ARFGAP2: variants seen among roughly 807,000 people sequenced by gnomAD.
ARFGAP2 encodes the protein ARF GTPase activating protein 2, also known as ADP-ribosylation factor GTPase-activating protein 2.
In ARFGAP2, 45 loss-of-function variants were observed where a neutral mutation model predicts 71.9. The observed-to-expected ratio is 0.63, with a 90% CI of 0.49 to 0.80. ARFGAP2 has a LOEUF of 0.80. ARFGAP2 is among the 30% of genes least tolerant of loss of function. ARFGAP2 has a pLI of 0.00. For missense variants in ARFGAP2, 633 were observed against 673.9 expected, an observed-to-expected ratio of 0.94 and a Z score of 0.67; for synonymous variants, 248 against 249.2, an observed-to-expected ratio of 1.00 and a Z score of 0.05.
At chr11:47,171,354 T>A (rs992884194) in intron 10 of ARFGAP2, 72 bp downstream of exon 10, 27 of 1,588,990 alleles carry the variant, frequency 1.7e-5, no homozygotes, top group Middle Eastern at 1.7e-4. Flanking sequence ...CATCCCAAAC[T>A]GCTAGGAAGG....
At chr11:47,169,110 G>A (rs1037406429) in intron 10 of ARFGAP2, among the ~76,000 whole-genome samples, 29 of 151,142 alleles carry the variant, frequency 1.9e-4, no homozygotes, top group African/African-American at 6.8e-4. Context: ...TCAGGAGATC[G>A]AGACCATCCT....
intron 3 of ARFGAP2, 108 bp from the exon 4 acceptor site, chr11:47,175,421 G>A (rs1952767015): frequency 6.6e-7 from 1 of 1,520,382 alleles, no homozygotes; most frequent in Non-Finnish European, 9.1e-7. Context: ...TATCTATACA[G>A]GATGATACAC....
chr11:47,175,539 C>A, intron 3 of ARFGAP2: 1 of 685,300 alleles, frequency 1.5e-6, no homozygotes, highest in Non-Finnish European at 2.5e-6. Flanking sequence ...CCACTGAACG[C>A]TGCCTGAGCA....
Position 47,164,520 on chromosome 11 carries a change from C to T in ARFGAP2, c.*962G>A. On this transcript the variant is annotated 3_prime_UTR_variant, in exon 16 of 16. Transcript: ENST00000524782. Reference sequence around the variant, plus strand: ...GAAGATGGCACCAAGAATGACAGTGCTTGGCTCAGCTGCCAGAGGGTGAGG... The same window carrying T: ...GAAGATGGCACCAAGAATGACAGTGTTTGGCTCAGCTGCCAGAGGGTGAGG... 1.1e-5 allele frequency: 3 copies of T among 276,236 alleles called. No homozygotes were observed. The highest frequency in any genetic ancestry group is 2.1e-5 in the Non-Finnish European group (3 of 143,880). The allele number at this position is 276,236 out of a possible 1,614,324, so 17.1% of individuals were successfully genotyped here.
At chr11:47,170,323 CAAAAA>C (rs34843394) in intron 10 of ARFGAP2, among the ~76,000 whole-genome samples, 2 of 73,950 alleles carry the variant, frequency 2.7e-5, no homozygotes, top group African/African-American at 5.6e-5. Flanking sequence ...GACTCCATCT[CAAAAA>C]AAAAAAAAAA....
Position 47,174,912 on chromosome 11 carries a change from C to A in ARFGAP2, c.480+103G>T, listed in dbSNP as rs981728806. 3 of 1,280,298 alleles carry A rather than the reference C, an allele frequency of 2.3e-6. No individual in the cohort carries two copies. In the African/African-American group the frequency reaches 4.4e-5, roughly 19 times the overall value. The allele number at this position is 1,280,298 out of a possible 1,614,324, so 79.3% of individuals were successfully genotyped here. ...TTCATACGTGGTGTCCAAGACATCACATCAAAGCAAATGGAATCTACAACC... is the reference window on the plus strand; with the variant it reads ...TTCATACGTGGTGTCCAAGACATCAAATCAAAGCAAATGGAATCTACAACC... On this transcript the variant is annotated intron_variant, in intron 5 of 15. Transcript: ENST00000524782.
In ARFGAP2 at chr11:47,165,106, A is replaced by C. The variant is rs1952296637; in HGVS notation, c.*376T>G. The C allele has an allele frequency of 4.2e-6, 1 of 237,620 alleles. No individual in the cohort carries two copies. The highest frequency in any genetic ancestry group is 2.2e-5 in the African/African-American group (1 of 44,492). The allele number at this position is 237,620 out of a possible 1,614,324, so 14.7% of individuals were successfully genotyped here. On this transcript the variant is annotated 3_prime_UTR_variant, in exon 16 of 16. Transcript: ENST00000524782. ...ACTAGAAGAACCCTAGAGCCAGCAA[A>C]AAAAGCCTTCTACCTTCCGCTTTCC...
Position 47,171,418 on chromosome 11 carries a change from A to G in ARFGAP2, c.941+8T>C, listed in dbSNP as rs760467199. The G allele has an allele frequency of 1.2e-6, 2 of 1,613,982 alleles. No homozygotes were observed. The highest frequency in any genetic ancestry group is 1.7e-6 in the Non-Finnish European group (2 of 1,179,982). ...CATTTCCCTGCCACACCCGGAGCTGAGCCTCACCTTCGGGATACCAAGCCC... is the reference window on the plus strand; with the variant it reads ...CATTTCCCTGCCACACCCGGAGCTGGGCCTCACCTTCGGGATACCAAGCCC... On this transcript the variant is annotated splice_region_variant and intron_variant, in intron 10 of 15. Coordinates refer to ENST00000524782, the MANE Select transcript of ARFGAP2 (RefSeq NM_032389.6).
In ARFGAP2 at chr11:47,168,218, C is replaced by A; in HGVS notation, c.975G>T (p.Gln325His). The change falls in exon 11 of 16, where the codon CAG becomes CAT. Residue 325 changes from glutamine (Q) to histidine (H), a missense_variant. Transcript: ENST00000524782. ...SVSHSVLSEM[Q>H]VIEQETPVSA... is the part of the protein sequence containing the mutation. Reference sequence around the variant, plus strand: ...TCACTGGGGTTTCCTGCTCAATCACCTGCATCTCAGACAGCACGGAGTGGG... The same window carrying A: ...TCACTGGGGTTTCCTGCTCAATCACATGCATCTCAGACAGCACGGAGTGGG... The A allele has an allele frequency of 6.2e-7, 1 of 1,614,248 alleles. No individual in the cohort carries two copies. Among genetic ancestry groups the A allele is most frequent in the South Asian group, 1.1e-5 (1 of 91,086 alleles).
chr11:47,175,065 T>C lies in ARFGAP2; in HGVS notation c.430A>G (p.Asn144Asp), dbSNP rs753695246. 4.3e-6 allele frequency: 7 copies of C among 1,614,138 alleles called. No homozygotes were observed. The South Asian group carries it at 7.7e-5, about 18-fold the overall frequency. Residue 144 changes from asparagine to aspartate, a missense_variant, in exon 5 of 16, where the codon AAT becomes GAT. Coordinates refer to ENST00000524782, the MANE Select transcript of ARFGAP2 (RefSeq NM_032389.6). ...WIDNMSSAVP[N>D]HSPEKKDSDF... The stretch of plus-strand genomic sequence containing the variant: ...GAGTCCTTCTTCTCTGGGGAGTGAT[T>C]AGGAACGGCACTACTCATGTTGTCT...
In ARFGAP2 at chr11:47,165,421, C is replaced by A; in HGVS notation, c.*61G>T. 6.5e-7 allele frequency: 1 copy of A among 1,542,544 alleles called. No homozygotes were observed. The highest frequency in any genetic ancestry group is 1.2e-5 in the South Asian group (1 of 81,440). On this transcript the variant is annotated 3_prime_UTR_variant, in exon 16 of 16. Coordinates refer to ENST00000524782, the MANE Select transcript of ARFGAP2 (RefSeq NM_032389.6). Reference sequence around the variant, plus strand: ...CTTCCACAAGGCAAAGCATCCCCAGCCTGGGAACTGTGGAGTTCTTGTTGC... The same window carrying A: ...CTTCCACAAGGCAAAGCATCCCCAGACTGGGAACTGTGGAGTTCTTGTTGC...
rs189221677 is a variant in ARFGAP2, at chr11:47,164,482, C to T, written c.*1000G>A. On this transcript the variant is annotated 3_prime_UTR_variant, in exon 16 of 16. Transcript: ENST00000524782. ...AAGGTGGGGGCTGGGCTGAGACTGC[C>T]GGTGCGGCAGGGGAAGATGGCACCA... 24 of 374,528 alleles carry T rather than the reference C, an allele frequency of 6.4e-5. No homozygotes were observed. The South Asian group carries it at 6.6e-4, about 10-fold the overall frequency. 23.2% of individuals were successfully genotyped at this position (374,528 alleles called of 1,614,324 possible).
intron 8 of ARFGAP2, 125 bp downstream of exon 8, chr11:47,172,156 G>C: frequency 1.0e-6 from 1 of 978,882 alleles, no homozygotes; most frequent in Non-Finnish European, 1.6e-6. Context: ...TCACAGGCGA[G>C]GTTCGGAGAA....
intron 10 of ARFGAP2, chr11:47,168,581 T>G (rs1026398973): frequency 6.1e-5 from 13 of 213,828 alleles, no homozygotes; most frequent in African/African-American, 3.0e-4. Context: ...AGTCCAGTGG[T>G]GCAATCTTGG....
chr11:47,170,763 T>A (rs183141880), intron 10 of ARFGAP2, among the ~76,000 whole-genome samples: 2 of 151,960 alleles, frequency 1.3e-5, no homozygotes, highest in African/African-American at 2.4e-5. Context: ...CTGGACAACA[T>A]AGCAAAACCC....
In ARFGAP2 at chr11:47,175,000, CT is replaced by C; in HGVS notation, c.480+14del. ...TCAAGAACAACTGGGAAAACGGTTC[CT>C]TGTGGGCACTCACTTGAGTGTGTTC... On this transcript the variant is annotated intron_variant, in intron 5 of 15. Transcript: ENST00000524782. 1 of 1,613,860 alleles carries C rather than the reference CT, an allele frequency of 6.2e-7. No individual in the cohort carries two copies. The highest frequency in any genetic ancestry group is 8.5e-7 in the Non-Finnish European group (1 of 1,179,834).
At chr11:47,172,633 A>G in intron 7 of ARFGAP2, 2 of 1,326,106 alleles carry the variant, frequency 1.5e-6, no homozygotes. Flanking sequence ...CAGGGAGCAT[A>G]TGGTGAGCAC....
At position 47,175,177 on chromosome 11, in the gene ARFGAP2, C is replaced by T. The variant is rs1356294452; in HGVS notation, c.396+5G>A. ...CCTGCCCCAGCCCCAAGAACAGGCA[C>T]TTACATCAGTGCCATGCCTAGCCAG... On this transcript the variant is annotated splice_donor_5th_base_variant and intron_variant, in intron 4 of 15. Transcript: ENST00000524782. The T allele has an allele frequency of 6.2e-7, 1 of 1,614,150 alleles. No homozygotes were observed. The highest frequency in any genetic ancestry group is 1.7e-5 in the Admixed American group (1 of 60,020).
intron 12 of ARFGAP2, among the ~76,000 whole-genome samples, chr11:47,167,256 T>C (rs1248466868): frequency 6.6e-6 from 1 of 152,220 alleles, no homozygotes; most frequent in Non-Finnish European, 1.5e-5. Flanking sequence ...TGCCTGGCTT[T>C]ATACCTACTC....
Sources: gnomAD v4.1 joint callset for allele counts (sites outside exome capture counted in the v4.1 genomes callset) on GRCh38, gnomAD v4.1.1 for gene constraint, MANE v1.5 for transcripts, NCBI Gene and HGNC (gene_info 2026-07-23, HGNC 2026-07-21) for gene names.